The following ZNF567 variants were observed in gnomAD, a reference collection of about 807,000 sequenced individuals.
ZNF567 encodes zinc finger protein 567.
ZNF567 carries 36 observed loss-of-function variants against 53.9 expected under a neutral mutation model. The observed-to-expected ratio is 0.67, with a 90% CI of 0.51 to 0.88. The LOEUF is 0.88. Among genes scored for constraint, ZNF567 ranks in the 40% least tolerant of loss-of-function variants. ZNF567 has a pLI of 0.00. For synonymous variants in ZNF567, 224 were observed against 260.4 expected (o/e 0.86, Z 1.35); for missense variants, 619 against 764.7 (o/e 0.81, Z 2.25).
Position 36,719,209 on chromosome 19 carries a change from A to T in ZNF567, c.485A>T (p.Tyr162Phe). 6.2e-7 allele frequency: 1 copy of T among 1,614,050 alleles called. No individual in the cohort carries two copies. Residue 162 changes from tyrosine (Y) to phenylalanine (F), a missense_variant, in exon 6 of 6, where the codon TAT (tyrosine) becomes TTT (phenylalanine). Physicochemically the swap from Tyr to Phe is conservative, Grantham distance 22. Coordinates refer to ENST00000682579, the MANE Select transcript of ZNF567 (RefSeq NM_001322917.1). ...LNPARKRLSE[Y>F]NGYGKSLLST... ...CCTGCAAGAAAGAGACTTAGTGAGT[A>T]TAATGGATATGGGAAATCACTCCTG...
intron 3 of ZNF567, among the ~76,000 whole-genome samples, chr19:36,703,160 G>A (rs1294488283): frequency 2.6e-5 from 4 of 151,056 alleles, no homozygotes; most frequent in African/African-American, 9.7e-5. Context: ...ACCCTCAGCT[G>A]CAGGTCTGTT....
chr19:36,673,679 C>CACACAG, the ZNF567 span, among the ~76,000 whole-genome samples: 1 of 152,058 alleles, frequency 6.6e-6, no homozygotes, highest in Non-Finnish European at 1.5e-5. Context: ...TGCATGCATA[C>CACACAG]ACACAGACAC....
the ZNF567 span, among the ~76,000 whole-genome samples, chr19:36,675,427 C>T: frequency 6.6e-6 from 1 of 152,034 alleles, no homozygotes; most frequent in East Asian, 1.9e-4. Context: ...GTAATCCCAG[C>T]ACTTTGGGAG....
chr19:36,702,526 A>G (rs1281885497), intron 3 of ZNF567, among the ~76,000 whole-genome samples: 4 of 152,098 alleles, frequency 2.6e-5, no homozygotes, highest in South Asian at 4.1e-4. Flanking sequence ...GTGTTTTCCA[A>G]CTTGGTTCCA....
intron 5 of ZNF567, among the ~76,000 whole-genome samples, chr19:36,715,691 G>A (rs987304089): frequency 4.0e-5 from 6 of 150,526 alleles, no homozygotes; most frequent in African/African-American, 9.8e-5. Context: ...CACCACACCC[G>A]GCTAATTTTG....
At chr19:36,680,656 G>A in the ZNF567 span, among the ~76,000 whole-genome samples, 38 of 152,190 alleles carry the variant, frequency 2.5e-4, no homozygotes, top group African/African-American at 8.9e-4. Flanking sequence ...TCACATTCTG[G>A]AGGCCAGAAC....
intron 3 of ZNF567, among the ~76,000 whole-genome samples, chr19:36,709,206 T>C (rs1180274641): frequency 6.6e-6 from 1 of 152,190 alleles, no homozygotes; most frequent in Non-Finnish European, 1.5e-5. Context: ...AGAAAAAATA[T>C]TCCTGACACA....
Position 36,687,654 on chromosome 19 carries a change from CG to C in ZNF567, c.-168+23del, listed in dbSNP as rs938501641. 2.6e-5 allele frequency: 4 copies of C among 152,494 alleles called. No individual in the cohort carries two copies. The highest frequency in any genetic ancestry group is 4.4e-5 in the Non-Finnish European group (3 of 68,288). The allele number at this position is 152,494 out of a possible 1,614,324, so 9.4% of individuals were successfully genotyped here. A position where few individuals can be genotyped will look rare whatever the true frequency, so the allele number is the denominator to read the frequency against. The stretch of plus-strand genomic sequence containing the variant: ...CCGAAGGTGAGGCTGGTGGGTCCCG[CG>C]GGCGCGGAGAAGGCGGGTGACGGTG... On this transcript the variant is annotated intron_variant, in intron 1 of 5. Transcript: ENST00000682579.
At chr19:36,722,309 ATTAAT>A (rs1310204511), downstream of ZNF567, among the ~76,000 whole-genome samples, 9 of 152,022 alleles carry the variant, frequency 5.9e-5, no homozygotes, top group East Asian at 1.9e-4. Context: ...AAATTTATTA[ATTAAT>A]TTATTTTTTG....
intron 5 of ZNF567, among the ~76,000 whole-genome samples, chr19:36,718,006 T>G (rs1408288467): frequency 6.6e-6 from 1 of 152,226 alleles, no homozygotes; most frequent in Non-Finnish European, 1.5e-5. Context: ...TTTTTAAAGT[T>G]GCTATCGGAA....
chr19:36,718,963 C>T lies in ZNF567; in HGVS notation c.239C>T (p.Ala80Val). 1 of 1,561,280 alleles carries T rather than the reference C, an allele frequency of 6.4e-7. No individual in the cohort carries two copies. Among genetic ancestry groups the T allele is most frequent in the Non-Finnish European group, 8.6e-7 (1 of 1,161,320 alleles). ...TCTTTTCTAGAAGAAAACTGGAAAG[C>T]TGAAGACTTTTTAGTGAAATTCAAG... is the stretch of plus-strand genomic sequence containing the variant. ...GHTCLEENWK[A>V]EDFLVKFKEH... Residue 80 changes from alanine to valine, a missense_variant, in exon 6 of 6, where the codon GCT becomes GTT. Coordinates refer to ENST00000682579, the MANE Select transcript of ZNF567 (RefSeq NM_001322917.1).
intron 3 of ZNF567, among the ~76,000 whole-genome samples, chr19:36,705,652 TG>T (rs1459498301): frequency 6.6e-6 from 1 of 152,142 alleles, no homozygotes; most frequent in East Asian, 1.9e-4. Context: ...CTGATGTTAT[TG>T]GGTGTACCCT....
chr19:36,690,220 C>T (rs1192997957), intron 2 of ZNF567, among the ~76,000 whole-genome samples: 3 of 152,216 alleles, frequency 2.0e-5, no homozygotes, highest in Non-Finnish European at 4.4e-5. Context: ...GACTTATTTA[C>T]AGTGGTCATC....
upstream of ZNF567, among the ~76,000 whole-genome samples, chr19:36,683,098 G>T (rs1212112090): frequency 6.6e-6 from 1 of 151,418 alleles, no homozygotes; most frequent in East Asian, 2.0e-4. Context: ...TTGAGGCATG[G>T]TCTCACTCCA....
the ZNF567 span, among the ~76,000 whole-genome samples, chr19:36,673,930 T>G: frequency 6.6e-6 from 1 of 152,194 alleles, no homozygotes; most frequent in African/African-American, 2.4e-5. Flanking sequence ...TTCAAAGTCC[T>G]CAGTCTTTAA....
intron 3 of ZNF567, among the ~76,000 whole-genome samples, chr19:36,709,854 A>G (rs988301039): frequency 5.0e-4 from 76 of 152,338 alleles, no homozygotes; most frequent in African/African-American, 1.8e-3. Context: ...TTTTGAATAT[A>G]TAGTTTTGCT....
chr19:36,667,003 C>T, the ZNF567 span: 1 of 152,344 alleles, frequency 6.6e-6, no homozygotes, highest in Non-Finnish European at 1.5e-5. Context: ...ACTTCGGGTT[C>T]CGCTGAGGAC....
At chr19:36,723,445 TCAAA>T, downstream of ZNF567, 1 of 552,332 alleles carries the variant, frequency 1.8e-6, no homozygotes, top group Non-Finnish European at 3.2e-6. Flanking sequence ...CACTTTATTT[TCAAA>T]CATACTACAT....
intron 3 of ZNF567, among the ~76,000 whole-genome samples, chr19:36,696,160 G>C (rs1163294033): frequency 6.6e-6 from 1 of 152,014 alleles, no homozygotes; most frequent in East Asian, 1.9e-4. Context: ...TATTTGTATA[G>C]ACTGCCATAC....
Sources: allele counts gnomAD v4.1 joint callset (sites outside exome capture counted in the v4.1 genomes callset), GRCh38; gene constraint gnomAD v4.1.1; transcripts MANE v1.5; gene names NCBI Gene and HGNC (gene_info 2026-07-23, HGNC 2026-07-21).